Variants in NCAPH2 observed in about 807,000 individuals in gnomAD.
NCAPH2 encodes the protein non-SMC condensin II complex subunit H2.
A neutral mutation model predicts 88.6 loss-of-function variants in NCAPH2; 56 were observed. The observed-to-expected ratio is 0.63, with a 90% CI of 0.51 to 0.79. The LOEUF is 0.79. NCAPH2 is among the 30% of genes least tolerant of loss of function. NCAPH2 has a pLI of 0.00. For missense variants in NCAPH2, 794 were observed against 792.0 expected (o/e 1.00, Z -0.03); for synonymous variants, 378 against 313.6 (o/e 1.21, Z -2.17).
At position 50,523,323 on chromosome 22, in the gene NCAPH2, G is replaced by C; in HGVS notation, c.1766G>C (p.Arg589Pro). 6.3e-7 allele frequency: 1 copy of C among 1,581,252 alleles called. No individual in the cohort carries two copies. The highest frequency in any genetic ancestry group is 8.6e-7 in the Non-Finnish European group (1 of 1,163,796). Residue 589 changes from arginine to proline, a missense_variant, in exon 20 of 20, where the codon CGA becomes CCA. Physicochemically the swap from Arg to Pro is moderately radical, Grantham distance 103. Around this residue, in one of 2 missense-constraint regions of NCAPH2, gnomAD observed 735 missense variants for 696.3 expected, o/e 1.06. Coordinates refer to ENST00000420993, the MANE Select transcript of NCAPH2 (RefSeq NM_152299.4). ...TCCCTGAGACTGCTCACGCACCAGC[G>C]AGCGCACAAGCGCTTCCAGACCTAC... ...TMSLRLLTHQ[R>P]AHKRFQTYAA...
Position 50,518,039 on chromosome 22 carries a change from A to G in NCAPH2, c.487A>G (p.Asn163Asp). ...CCCTGATGAAATGGAGAAGAACAAC[A>G]ATCCCCTGTACAGGTAGGGATCTGA... The part of the protein sequence containing the change: ...VAPDEMEKNN[N>D]PLYSRQGEVL... The change falls in exon 6 of 20, where the codon AAT becomes GAT. Residue 163 changes from asparagine (N) to aspartate (D), a missense_variant. Asn to Asp is a conservative substitution (Grantham distance 23). Coordinates refer to ENST00000420993, the MANE Select transcript of NCAPH2 (RefSeq NM_152299.4). 6.2e-7 allele frequency: 1 copy of G among 1,614,018 alleles called. No individual in the cohort carries two copies. The highest frequency in any genetic ancestry group is 8.5e-7 in the Non-Finnish European group (1 of 1,179,976).
intron 9 of NCAPH2, 44 bp from the exon 10 acceptor site, chr22:50,520,921 G>A: frequency 2.6e-6 from 4 of 1,547,462 alleles, no homozygotes; most frequent in Non-Finnish European, 3.5e-6. Flanking sequence ...AGAGCCTTGA[G>A]GGGAGAAAGA....
intron 1 of NCAPH2, among the ~76,000 whole-genome samples, chr22:50,510,510 C>T (rs2068754628): frequency 6.6e-6 from 1 of 152,000 alleles, no homozygotes; most frequent in African/African-American, 2.4e-5. Context: ...TCACTGCAAC[C>T]TCCGACTCCC....
At chr22:50,514,436 G>GCA (rs1323436672) in intron 1 of NCAPH2, among the ~76,000 whole-genome samples, 2 of 152,186 alleles carry the variant, frequency 1.3e-5, no homozygotes, top group African/African-American at 4.8e-5. Flanking sequence ...GCTATTTGGA[G>GCA]TTCAGTGTGG....
intron 9 of NCAPH2, chr22:50,520,509 C>G (rs2069056169): frequency 6.5e-6 from 1 of 152,906 alleles, no homozygotes; most frequent in Admixed American, 6.5e-5. Flanking sequence ...CCGCCTTGGC[C>G]TCTCAAAGCA....
In NCAPH2 at chr22:50,523,927, G is replaced by A. The variant is rs1408245672; in HGVS notation, c.*552G>A. On this transcript the variant is annotated 3_prime_UTR_variant, in exon 20 of 20. Transcript: ENST00000420993. ...CTCGGGGTCCACAGTGATGAAGACAGGCTGCACTGGAGGCAAACCAGGCTC... is the reference window on the plus strand; with the variant it reads ...CTCGGGGTCCACAGTGATGAAGACAAGCTGCACTGGAGGCAAACCAGGCTC... 2 of 1,613,084 alleles carry A rather than the reference G, an allele frequency of 1.2e-6. No individual in the cohort carries two copies. The highest frequency in any genetic ancestry group is 3.3e-5 in the Admixed American group (2 of 60,020).
At chr22:50,512,643 C>CAGGCTCAAGTGATCCTCCCCG in intron 1 of NCAPH2, among the ~76,000 whole-genome samples, 1 of 151,644 alleles carries the variant, frequency 6.6e-6, no homozygotes, top group East Asian at 1.9e-4. Context: ...CTCGATCTCC[C>CAGGCTCAAGTGATCCTCCCCG]AGGCTCAAGT....
intron 1 of NCAPH2, among the ~76,000 whole-genome samples, chr22:50,515,318 T>C (rs1397905146): frequency 6.6e-6 from 1 of 152,002 alleles, no homozygotes; most frequent in Non-Finnish European, 1.5e-5. Context: ...CCCAGTGCTT[T>C]GGGAGGCTGA....
In NCAPH2 at chr22:50,523,735, A is replaced by G. The variant is rs150742660; in HGVS notation, c.*360A>G. On this transcript the variant is annotated 3_prime_UTR_variant, in exon 20 of 20. Coordinates refer to ENST00000420993, the MANE Select transcript of NCAPH2 (RefSeq NM_152299.4). ...GTCAGGGTTGAGCAGGTAGATGGCA[A>G]TGGAGTGGTCCACGATGTAGTCCTG... The G allele has an allele frequency of 1.5e-5, 25 of 1,614,208 alleles. No individual in the cohort carries two copies. Among genetic ancestry groups the G allele is most frequent in the East Asian group, 2.2e-5 (1 of 44,886 alleles).
At chr22:50,521,945 C>CAGCT in intron 12 of NCAPH2, 41 bp from the exon 13 acceptor site, 7 of 1,613,710 alleles carry the variant, frequency 4.3e-6, no homozygotes, top group Middle Eastern at 1.7e-4. Flanking sequence ...ATGCTGTGGG[C>CAGCT]AGCTCTTGGC....
rs552250737 is a variant in NCAPH2, at chr22:50,515,994, G to A, written c.109-453G>A. On this transcript the variant is annotated intron_variant, in intron 1 of 19. Coordinates refer to ENST00000420993, the MANE Select transcript of NCAPH2 (RefSeq NM_152299.4). ...GGGGTGACAGAGGAGCTGGGGCTCCGGGAGGCTGAGGGGAGCAGAGGAAGG... is the reference window on the plus strand; with the variant it reads ...GGGGTGACAGAGGAGCTGGGGCTCCAGGAGGCTGAGGGGAGCAGAGGAAGG... Among the ~76,000 whole-genome samples the A allele has an allele frequency of 2.0e-3, 276 of 141,000 alleles. 1 individual carries two copies. The highest frequency in any genetic ancestry group is 3.2e-3 in the Non-Finnish European group (211 of 65,722). 92.5% of individuals were successfully genotyped at this position (141,000 alleles called of 152,430 possible). A position where few individuals can be genotyped will look rare whatever the true frequency, so the allele number is the denominator to read the frequency against.
At position 50,518,516 on chromosome 22, in the gene NCAPH2, C is replaced by G. The variant is rs2068992786; in HGVS notation, c.647-133C>G. 5 of 1,069,224 alleles carry G rather than the reference C, an allele frequency of 4.7e-6. No individual in the cohort carries two copies. In the South Asian group the frequency reaches 8.2e-5, roughly 18 times the overall value. 66.2% of individuals were successfully genotyped at this position (1,069,224 alleles called of 1,614,324 possible). A position where few individuals can be genotyped will look rare whatever the true frequency, so the allele number is the denominator to read the frequency against. On this transcript the variant is annotated intron_variant, in intron 7 of 19. Coordinates refer to ENST00000420993, the MANE Select transcript of NCAPH2 (RefSeq NM_152299.4). ...GCCTGGCTCAGGGCCCTGCTGTCTC[C>G]CCCCAGCCCAAGGCCTGGAGTCTGC...
chr22:50,522,803 C>G lies in NCAPH2; in HGVS notation c.1426-18C>G. On this transcript the variant is annotated intron_variant, in intron 17 of 19. Coordinates refer to ENST00000420993, the MANE Select transcript of NCAPH2 (RefSeq NM_152299.4). ...GCCCCTGCTTGGGAGGCAGTAGCTC[C>G]TGCTGATCCTCCCCTAGGAGCTCTT... 3 of 1,612,992 alleles carry G rather than the reference C, an allele frequency of 1.9e-6. No homozygotes were observed. Among genetic ancestry groups the G allele is most frequent in the Non-Finnish European group, 2.5e-6 (3 of 1,179,806 alleles).
Position 50,522,427 on chromosome 22 carries a change from C to A in NCAPH2, c.1306+12C>A, listed in dbSNP as rs779245922. 1 of 1,611,760 alleles carries A rather than the reference C, an allele frequency of 6.2e-7. No homozygotes were observed. The highest frequency in any genetic ancestry group is 1.1e-5 in the South Asian group (1 of 90,968). ...CCTGGGGGCAGCAGGTGGGTGCCTG[C>A]CAGGGGGTGGGGTGGGGCTTGGCAC... On this transcript the variant is annotated intron_variant, in intron 15 of 19. Coordinates refer to ENST00000420993, the MANE Select transcript of NCAPH2 (RefSeq NM_152299.4).
Position 50,522,373 on chromosome 22 carries a change from G to C in NCAPH2, c.1264G>C (p.Glu422Gln). 1 of 1,608,466 alleles carries C rather than the reference G, an allele frequency of 6.2e-7. No homozygotes were observed. Among genetic ancestry groups the C allele is most frequent in the South Asian group, 1.1e-5 (1 of 90,374 alleles). The change falls in exon 15 of 20, where the codon GAG becomes CAG. Residue 422 changes from glutamate to glutamine, a missense_variant. This residue lies in a region of NCAPH2 where 735 missense variants were observed against 696.3 expected (regional missense o/e 1.06). Coordinates refer to ENST00000420993, the MANE Select transcript of NCAPH2 (RefSeq NM_152299.4). Reference protein sequence around the residue: ...VAEQWLRPAEEDHLEDSLEDL... With the variant: ...VAEQWLRPAEQDHLEDSLEDL... ...TGAGCAGTGGCTGCGGCCTGCAGAG[G>C]AGGACCACCTGGAGGATTCCCTGGA... is the stretch of plus-strand genomic sequence containing the variant.
chr22:50,515,787 A>G (rs988119606), intron 1 of NCAPH2: 6 of 1,301,872 alleles, frequency 4.6e-6, no homozygotes, highest in Non-Finnish European at 6.1e-6. Context: ...AAAGTATGGA[A>G]GTAAAGTGTT....
At chr22:50,519,549 G>A in intron 9 of NCAPH2, 2 of 1,310,920 alleles carry the variant, frequency 1.5e-6, no homozygotes, top group Non-Finnish European at 1.9e-6. Context: ...CAGAGTAGTG[G>A]GCTGGCGTCC....
chr22:50,519,424 C>G, intron 9 of NCAPH2, 104 bp downstream of exon 9: 1 of 1,499,340 alleles, frequency 6.7e-7, no homozygotes, highest in Non-Finnish European at 8.9e-7. Flanking sequence ...TGGCCTTGGC[C>G]CCAGACCACT....
intron 9 of NCAPH2, among the ~76,000 whole-genome samples, chr22:50,520,183 T>C (rs1299648720): frequency 6.6e-6 from 1 of 152,046 alleles, no homozygotes; most frequent in Non-Finnish European, 1.5e-5. Flanking sequence ...TGTTTGTGTT[T>C]TAAAGTTTTT....
Sources: allele counts gnomAD v4.1 joint callset (sites outside exome capture counted in the v4.1 genomes callset), GRCh38; gene constraint gnomAD v4.1.1; regional missense constraint gnomAD v4.1.1; transcripts MANE v1.5; gene names NCBI Gene and HGNC (gene_info 2026-07-23, HGNC 2026-07-21).